Variants in POLQ observed in about 807,000 individuals in gnomAD.
POLQ encodes the protein DNA polymerase theta.
A neutral mutation model predicts 259.2 loss-of-function variants in POLQ; 233 were observed. That is an observed-to-expected ratio of 0.90 (90% CI 0.81 to 1.00). POLQ has a LOEUF of 1.00. Among genes scored for constraint, POLQ ranks in the 50% least tolerant of loss-of-function variants. The pLI is 0.00. For missense variants in POLQ, 2,871 were observed against 3,051.6 expected, an observed-to-expected ratio of 0.94 and a Z score of 1.39; for synonymous variants, 1,025 against 1,048.8, an observed-to-expected ratio of 0.98 and a Z score of 0.44.
intron 11 of POLQ, 72 bp from the exon 12 acceptor site, chr3:121,509,775 C>A: frequency 6.9e-7 from 1 of 1,442,198 alleles, no homozygotes; most frequent in South Asian, 1.3e-5. Context: ...TACTATCTTT[C>A]TGTTTTCCAT....
rs544620413 is a variant in POLQ at position 121,468,217 on chromosome 3, T to G, written c.6845+88A>C. On this transcript the variant is annotated intron_variant, in intron 23 of 29. Transcript: ENST00000264233. ...GTATGTCTGAAACATAAAATTAAATTAATTTCATTTATTTGTCTAATAAGC... is the reference window on the plus strand; with the variant it reads ...GTATGTCTGAAACATAAAATTAAATGAATTTCATTTATTTGTCTAATAAGC... The G allele has an allele frequency of 2.7e-6, 3 of 1,104,684 alleles. No homozygotes were observed. The South Asian group carries it at 5.0e-5, about 18-fold the overall frequency. 68.4% of individuals were successfully genotyped at this position (1,104,684 alleles called of 1,614,324 possible).
chr3:121,489,939 T>C lies in POLQ; in HGVS notation c.2992A>G (p.Lys998Glu). ...TTCTGAGAGGCTCCTGGCTTCTCTTTATTTATATCTAAAGAGGCCCGTTTT... is the reference window on the plus strand; with the variant it reads ...TTCTGAGAGGCTCCTGGCTTCTCTTCATTTATATCTAAAGAGGCCCGTTTT... Reference protein sequence around the residue: ...ARKRASLDINKEKPGASQNEG... With the variant: ...ARKRASLDINEEKPGASQNEG... Residue 998 changes from lysine (K) to glutamate (E), a missense_variant, in exon 16 of 30, where the codon AAA becomes GAA. By Grantham distance (56) the Lys-to-Glu change is moderately conservative. Around this residue, in one of 3 missense-constraint regions of POLQ, gnomAD observed 2,080 missense variants for 2,126.0 expected, o/e 0.98. Coordinates refer to ENST00000264233, the MANE Select transcript of POLQ (RefSeq NM_199420.4). 6.3e-7 allele frequency: 1 copy of C among 1,579,082 alleles called. No homozygotes were observed. The highest frequency in any genetic ancestry group is 8.5e-7 in the Non-Finnish European group (1 of 1,170,490).
chr3:121,432,700 CA>C (rs1229747652), intron 29 of POLQ, among the ~76,000 whole-genome samples: 1 of 152,166 alleles, frequency 6.6e-6, no homozygotes, highest in African/African-American at 2.4e-5. Flanking sequence ...TCCTCCAAGA[CA>C]AAAACATCTT....
At chr3:121,532,228 A>T (rs931875519) in intron 6 of POLQ, among the ~76,000 whole-genome samples, 1 of 152,190 alleles carries the variant, frequency 6.6e-6, no homozygotes, top group African/African-American at 2.4e-5. Flanking sequence ...TATCTCAGCC[A>T]TATCAAGTAT....
chr3:121,440,330 T>C (rs999192574), intron 26 of POLQ, among the ~76,000 whole-genome samples: 12 of 152,092 alleles, frequency 7.9e-5, no homozygotes, highest in Non-Finnish European at 4.4e-5. Context: ...CTCTAACTCT[T>C]TGGGTTTTTT....
At position 121,490,247 on chromosome 3, in the gene POLQ, C is replaced by A; in HGVS notation, c.2684G>T (p.Gly895Val). The A allele has an allele frequency of 6.2e-7, 1 of 1,614,198 alleles. No homozygotes were observed. The highest frequency in any genetic ancestry group is 8.5e-7 in the Non-Finnish European group (1 of 1,180,022). The stretch of plus-strand genomic sequence containing the variant: ...CAGGGCACATGGATTCCATTGCACT[C>A]CCATTTCAACTAAGTCCTGCTGCAG... Reference protein sequence around the residue: ...MILQQDLVEMGVQWNPCALLH... With the variant: ...MILQQDLVEMVVQWNPCALLH... Residue 895 changes from glycine to valine, a missense_variant, in exon 16 of 30, where the codon GGA (glycine) becomes GTA (valine). Physicochemically the swap from Gly to Val is moderately radical, Grantham distance 109. This residue lies in a region of POLQ where 2,080 missense variants were observed against 2,126.0 expected (regional missense o/e 0.98). Coordinates refer to ENST00000264233, the MANE Select transcript of POLQ (RefSeq NM_199420.4).
chr3:121,523,734 A>C (rs2048354115), intron 7 of POLQ, among the ~76,000 whole-genome samples: 1 of 151,822 alleles, frequency 6.6e-6, no homozygotes. Context: ...ATAAAAACAA[A>C]AAAACAAAAA....
At position 121,439,992 on chromosome 3, in the gene POLQ, G is replaced by A. The variant is rs375108967; in HGVS notation, c.7389C>T (p.His2463=). 1.8e-5 allele frequency: 29 copies of A among 1,612,624 alleles called. No homozygotes were observed. The highest frequency in any genetic ancestry group is 6.7e-5 in the Admixed American group (4 of 59,890). The stretch of plus-strand genomic sequence containing the variant: ...AAATTCCTAAAAAATTTCAACATAC[G>A]TGAGCTTTACGATAAGGGTTGTTGT... ...IKDNNPYRKA[H]AERQAINTIV... The change falls in exon 27 of 30, where the codon CAC becomes CAT. Residue 2463 remains histidine (H), a splice_region_variant and synonymous_variant. Transcript: ENST00000264233.
In POLQ at chr3:121,498,681, G is replaced by A. The variant is rs1227159283; in HGVS notation, c.1960-11C>T. The stretch of plus-strand genomic sequence containing the variant: ...AAACATAGGTGTAACCTAAAAGGAA[G>A]AAGTATTATTCATTAACTAAAACTA... On this transcript the variant is annotated splice_polypyrimidine_tract_variant and intron_variant, in intron 12 of 29. Transcript: ENST00000264233. 1 of 1,575,306 alleles carries A rather than the reference G, an allele frequency of 6.3e-7. No individual in the cohort carries two copies. Among genetic ancestry groups the A allele is most frequent in the East Asian group, 2.2e-5 (1 of 44,592 alleles).
intron 25 of POLQ, among the ~76,000 whole-genome samples, chr3:121,454,202 T>G (rs988558446): frequency 6.6e-6 from 1 of 152,112 alleles, no homozygotes; most frequent in Admixed American, 6.6e-5. Flanking sequence ...TGTCACCACC[T>G]GGCCAGCCCT....
At chr3:121,458,936 C>T (rs1003164978) in intron 25 of POLQ, among the ~76,000 whole-genome samples, 22 of 152,150 alleles carry the variant, frequency 1.4e-4, no homozygotes, top group African/African-American at 4.6e-4. Context: ...AATGTAAATG[C>T]GAAACAAAAA....
At position 121,439,983 on chromosome 3, in the gene POLQ, T is replaced by A. The variant is rs1296738334; in HGVS notation, c.7389+9A>T. ...GTTAAGTTAAAATTCCTAAAAAATT[T>A]CAACATACGTGAGCTTTACGATAAG... On this transcript the variant is annotated intron_variant, in intron 27 of 29. Coordinates refer to ENST00000264233, the MANE Select transcript of POLQ (RefSeq NM_199420.4). 6.2e-7 allele frequency: 1 copy of A among 1,610,264 alleles called. No homozygotes were observed. Among genetic ancestry groups the A allele is most frequent in the Non-Finnish European group, 8.5e-7 (1 of 1,178,400 alleles).
intron 26 of POLQ, among the ~76,000 whole-genome samples, chr3:121,442,026 C>T (rs73191789): frequency 0.036 from 5,502 of 152,224 alleles, 148 homozygotes; most frequent in Middle Eastern, 0.082. Flanking sequence ...TTTAATTTAT[C>T]GGATCGTCTA....
intron 27 of POLQ, among the ~76,000 whole-genome samples, chr3:121,436,991 C>T (rs1220836878): frequency 6.6e-6 from 1 of 151,888 alleles, no homozygotes; most frequent in Non-Finnish European, 1.5e-5. Flanking sequence ...CCCGGTGCCC[C>T]AAAATATCTA....
At chr3:121,510,858 G>A (rs1175060442) in intron 10 of POLQ, among the ~76,000 whole-genome samples, 1 of 152,138 alleles carries the variant, frequency 6.6e-6, no homozygotes, top group African/African-American at 2.4e-5. Flanking sequence ...TGCCAAGGCG[G>A]GCAGATCACG....
chr3:121,471,916 C>T (rs1308644327), intron 22 of POLQ, 74 bp downstream of exon 22: 1 of 800,708 alleles, frequency 1.2e-6, no homozygotes, highest in Non-Finnish European at 1.9e-6. Flanking sequence ...TCTTGGCCAT[C>T]ATAAAAAATA....
Position 121,493,575 on chromosome 3 carries a change from C to A in POLQ, c.2425G>T (p.Val809Phe). Residue 809 changes from valine to phenylalanine, a missense_variant, in exon 15 of 30, where the codon GTT (valine) becomes TTT (phenylalanine). Coordinates refer to ENST00000264233, the MANE Select transcript of POLQ (RefSeq NM_199420.4). Reference protein sequence around the residue: ...VSLLNAQRARVLYASGFHTVA... With the variant: ...VSLLNAQRARFLYASGFHTVA... Reference sequence around the variant, plus strand: ...GTATGAAAGCCAGAAGCATAGAGAACCCTGGCTCTCTGAGCATTTAGTAAG... The same window carrying A: ...GTATGAAAGCCAGAAGCATAGAGAAACCTGGCTCTCTGAGCATTTAGTAAG... 1 of 1,614,010 alleles carries A rather than the reference C, an allele frequency of 6.2e-7. No homozygotes were observed. Among genetic ancestry groups the A allele is most frequent in the South Asian group, 1.1e-5 (1 of 91,080 alleles).
Position 121,476,592 on chromosome 3 carries a change from T to C in POLQ, c.6353A>G (p.Tyr2118Cys), listed in dbSNP as rs142737941. The change falls in exon 20 of 30, where the codon TAT becomes TGT. Residue 2118 changes from tyrosine to cysteine, a missense_variant. Physicochemically the swap from Tyr to Cys is radical, Grantham distance 194. Coordinates refer to ENST00000264233, the MANE Select transcript of POLQ (RefSeq NM_199420.4). ...AKLDAIETQA[Y>C]QLAGHSFSFT... ...AGAAAAACTGTGGCCAGCTAGTTGA[T>C]AGGCCTGGGTCTCAATTGCATCCAG... The C allele has an allele frequency of 3.9e-5, 63 of 1,613,876 alleles. No homozygotes were observed. The African/African-American group carries it at 7.5e-4, about 19-fold the overall frequency.
At chr3:121,521,239 C>G (rs2048334286) in intron 8 of POLQ, among the ~76,000 whole-genome samples, 1 of 152,084 alleles carries the variant, frequency 6.6e-6, no homozygotes, top group Admixed American at 6.5e-5. Context: ...TTCAGTGTAT[C>G]CATGCTGTAT....
Sources: allele counts gnomAD v4.1 joint callset (sites outside exome capture counted in the v4.1 genomes callset), GRCh38; gene constraint gnomAD v4.1.1; regional missense constraint gnomAD v4.1.1; transcripts MANE v1.5; gene names NCBI Gene and HGNC (gene_info 2026-07-23, HGNC 2026-07-21).